RASEF: variants seen among roughly 807,000 people sequenced by gnomAD.
The protein encoded by RASEF is ras and EF-hand domain-containing protein.
In RASEF, 68 loss-of-function variants were observed where a neutral mutation model predicts 90.1. The ratio of observed to expected loss-of-function variants is 0.75; its 90% CI spans 0.62 to 0.92. The LOEUF (loss-of-function observed/expected upper bound fraction) is 0.92. RASEF is among the 40% of genes least tolerant of loss of function. The pLI is 0.00. For synonymous variants in RASEF, 331 were observed against 345.2 expected, an observed-to-expected ratio of 0.96 and a Z score of 0.46; for missense variants, 949 against 937.2, an observed-to-expected ratio of 1.01 and a Z score of -0.16.
the RASEF span, among the ~76,000 whole-genome samples, chr9:83,121,698 C>T: frequency 3.3e-5 from 5 of 152,296 alleles, no homozygotes; most frequent in East Asian, 9.7e-4. Context: ...AGAAACCTGG[C>T]ACTCTTGGTT....
the RASEF span, among the ~76,000 whole-genome samples, chr9:83,166,249 C>T: frequency 2.0e-5 from 3 of 152,172 alleles, no homozygotes; most frequent in Non-Finnish European, 2.9e-5. Context: ...AACATAGCTG[C>T]GAAAGTCCCC....
chr9:83,136,998 A>G, the RASEF span, among the ~76,000 whole-genome samples: 140,910 of 152,108 alleles, frequency 0.93, 65,403 homozygotes, highest in African/African-American at 0.98. Flanking sequence ...TTGAGCAAAC[A>G]TTCTATCCTT....
Position 83,062,728 on chromosome 9 carries a change from G to A in RASEF, c.140C>T (p.Ala47Val). 1.3e-6 allele frequency: 2 copies of A among 1,572,888 alleles called. No individual in the cohort carries two copies. Among genetic ancestry groups the A allele is most frequent in the South Asian group, 1.1e-5 (1 of 87,380 alleles). ...CTELRVRPAD[A>V]EAVFQRLDAD... ...GTCCAGCCGCTGGAATACTGCCTCG[G>A]CGTCGGCCGGCCGCACCCGCAGCTC... is the stretch of plus-strand genomic sequence containing the variant. Residue 47 changes from alanine to valine, a missense_variant, in exon 1 of 17, where the codon GCC (alanine) becomes GTC (valine). By Grantham distance (64) the Ala-to-Val change is moderately conservative. Coordinates refer to ENST00000376447, the MANE Select transcript of RASEF (RefSeq NM_152573.4).
intron 9 of RASEF, among the ~76,000 whole-genome samples, chr9:83,003,592 T>C (rs1587486518): frequency 6.6e-6 from 1 of 152,348 alleles, no homozygotes; most frequent in South Asian, 2.1e-4. Flanking sequence ...TAAATTTTTT[T>C]ATTGAGCTAA....
Position 83,025,385 on chromosome 9 carries a change from G to A in RASEF, c.578+390C>T, listed in dbSNP as rs554621436. ...TCCTCATTTTGCAGTTGCAGGAATT[G>A]AGACTCAGGGAAATTAAGTAACCTG... On this transcript the variant is annotated intron_variant, in intron 2 of 16. Transcript: ENST00000376447. Among the ~76,000 whole-genome samples, 10 of 152,194 alleles carry A rather than the reference G, an allele frequency of 6.6e-5. No homozygotes were observed. The South Asian group carries it at 1.9e-3, about 28-fold the overall frequency.
At position 83,005,442 on chromosome 9, in the gene RASEF, T is replaced by C. The variant is rs1829111798; in HGVS notation, c.1087A>G (p.Ser363Gly). Residue 363 changes from serine to glycine, a missense_variant, in exon 8 of 17, where the codon AGT becomes GGT. This residue lies in a region of RASEF where 656 missense variants were observed against 592.2 expected (regional missense o/e 1.11). Transcript: ENST00000376447. ...NDGLRSALEN[S>G]YSKFNRSLHI... ...AAAGATCTGTTGAACTTGCTATAAC[T>C]GTTTTCAAGGGCACTTCTAAGGCCA... 6.2e-7 allele frequency: 1 copy of C among 1,613,614 alleles called. No homozygotes were observed. Among genetic ancestry groups the C allele is most frequent in the African/African-American group, 1.3e-5 (1 of 74,924 alleles).
the RASEF span, among the ~76,000 whole-genome samples, chr9:83,159,439 G>T: frequency 6.6e-6 from 1 of 152,050 alleles, no homozygotes. Flanking sequence ...TTTATGATTT[G>T]CTTTGAAAAG....
the RASEF span, among the ~76,000 whole-genome samples, chr9:83,216,666 T>C: frequency 6.6e-6 from 1 of 152,166 alleles, no homozygotes; most frequent in African/African-American, 2.4e-5. Context: ...TTGAAGCCAC[T>C]GAAGCCCCCA....
chr9:83,161,040 G>T, the RASEF span, among the ~76,000 whole-genome samples: 1 of 152,192 alleles, frequency 6.6e-6, no homozygotes, highest in African/African-American at 2.4e-5. Context: ...TGCTGTAGCG[G>T]TGGGGCCCTC....
At chr9:83,031,732 G>A (rs541732420) in intron 1 of RASEF, among the ~76,000 whole-genome samples, 6 of 152,264 alleles carry the variant, frequency 3.9e-5, no homozygotes, top group South Asian at 2.1e-4. Context: ...GATTACCCAC[G>A]TTACAAGAGG....
the RASEF span, among the ~76,000 whole-genome samples, chr9:83,190,623 A>G: frequency 2.0e-5 from 3 of 152,238 alleles, no homozygotes; most frequent in African/African-American, 7.2e-5. Flanking sequence ...TGCATATTAG[A>G]ATTTTTTAAA....
the RASEF span, among the ~76,000 whole-genome samples, chr9:83,207,807 C>A: frequency 1.3e-5 from 2 of 152,152 alleles, no homozygotes; most frequent in Admixed American, 1.3e-4. Flanking sequence ...GGGATTTCGC[C>A]ATGTTGGCAA....
chr9:83,045,919 T>C (rs1829920843), intron 1 of RASEF, among the ~76,000 whole-genome samples: 1 of 152,072 alleles, frequency 6.6e-6, no homozygotes, highest in Non-Finnish European at 1.5e-5. Flanking sequence ...GCACAGACTG[T>C]CCACCTGTGT....
At chr9:83,007,975 CT>C (rs1332865696) in intron 6 of RASEF, among the ~76,000 whole-genome samples, 3 of 152,130 alleles carry the variant, frequency 2.0e-5, no homozygotes, top group African/African-American at 7.2e-5. Flanking sequence ...ATTCCTTCCT[CT>C]TTCCATCTCA....
chr9:83,013,326 C>G (rs910031336), intron 4 of RASEF, among the ~76,000 whole-genome samples: 1 of 152,180 alleles, frequency 6.6e-6, no homozygotes, highest in African/African-American at 2.4e-5. Context: ...ATGGATCCCA[C>G]ATTTCACGAA....
chr9:83,053,633 C>T (rs1830057386), intron 1 of RASEF, among the ~76,000 whole-genome samples: 1 of 132,492 alleles, frequency 7.5e-6, no homozygotes, highest in Non-Finnish European at 1.6e-5. Context: ...CAGTTTCTTC[C>T]TAGTCTCGAT....
upstream of RASEF, among the ~76,000 whole-genome samples, chr9:83,066,352 A>G (rs1481440318): frequency 6.6e-6 from 1 of 152,226 alleles, no homozygotes; most frequent in Non-Finnish European, 1.5e-5. Context: ...CCACTCATAA[A>G]TACATCACTT....
At chr9:82,999,984 GACACACACACACACACACACACAC>G (rs55873985) in intron 12 of RASEF, among the ~76,000 whole-genome samples, 161 bp downstream of exon 12, 16 of 141,112 alleles carry the variant, frequency 1.1e-4, no homozygotes, top group African/African-American at 2.6e-4. Context: ...TAGACTAGGA[GACACACACACACACACACACACAC>G]ACACACACAC....
At chr9:83,115,828 C>G in the RASEF span, among the ~76,000 whole-genome samples, 1 of 151,574 alleles carries the variant, frequency 6.6e-6, no homozygotes, top group Non-Finnish European at 1.5e-5. Flanking sequence ...ATAAATACTG[C>G]TAATATTAAA....
Sources: gnomAD v4.1 joint callset for allele counts (sites outside exome capture counted in the v4.1 genomes callset) on GRCh38, gnomAD v4.1.1 for gene constraint, gnomAD v4.1.1 regional missense constraint, MANE v1.5 for transcripts, NCBI Gene and HGNC (gene_info 2026-07-23, HGNC 2026-07-21) for gene names.